The following C10orf90 variants were observed in gnomAD, a reference collection of about 807,000 sequenced individuals.
C10orf90 encodes (E2-independent) E3 ubiquitin-conjugating enzyme FATS.
C10orf90 carries 56 observed loss-of-function variants against 62.5 expected under a neutral mutation model. That is an observed-to-expected ratio of 0.90 (90% CI 0.72 to 1.12). The LOEUF is 1.12. C10orf90 is among the 50% of genes most tolerant of loss of function. C10orf90 has a pLI of 0.00. For missense variants in C10orf90, 970 were observed against 880.4 expected, an observed-to-expected ratio of 1.10 and a Z score of -1.29; for synonymous variants, 386 against 340.4, an observed-to-expected ratio of 1.13 and a Z score of -1.47.
chr10:126,439,351 G>C (rs1267583867), intron 7 of C10orf90, among the ~76,000 whole-genome samples: 1 of 152,194 alleles, frequency 6.6e-6, no homozygotes, highest in Non-Finnish European at 1.5e-5. Context: ...AAAGCTGGAA[G>C]AGGTGACTGC....
chr10:126,650,871 C>T (rs938297394), intron 1 of C10orf90, among the ~76,000 whole-genome samples: 1 of 152,168 alleles, frequency 6.6e-6, no homozygotes, highest in Non-Finnish European at 1.5e-5. Flanking sequence ...TGACCCTGGT[C>T]CAGCCTTCCT....
intron 8 of C10orf90, among the ~76,000 whole-genome samples, chr10:126,427,052 G>A (rs1000983033): frequency 7.9e-5 from 12 of 152,188 alleles, no homozygotes; most frequent in Admixed American, 2.0e-4. Flanking sequence ...CCTAGGCTGG[G>A]ATTCAAACCT....
chr10:126,625,437 T>C (rs1034477497), intron 2 of C10orf90, among the ~76,000 whole-genome samples: 2 of 152,302 alleles, frequency 1.3e-5, no homozygotes, highest in Non-Finnish European at 2.9e-5. Context: ...TTATAAAATA[T>C]AGCAGGTGTT....
At chr10:126,610,467 A>T (rs2133801079) in intron 2 of C10orf90, among the ~76,000 whole-genome samples, 1 of 152,282 alleles carries the variant, frequency 6.6e-6, no homozygotes, top group South Asian at 2.1e-4. Context: ...ACCTAATTGG[A>T]GTGTGTTCTC....
intron 1 of C10orf90, among the ~76,000 whole-genome samples, chr10:126,663,528 A>G (rs1591184250): frequency 6.6e-6 from 1 of 152,156 alleles, no homozygotes; most frequent in African/African-American, 2.4e-5. Flanking sequence ...CAATGAGGCA[A>G]TTCAGGAAAT....
chr10:126,543,448 G>A (rs1462150391), intron 2 of C10orf90, among the ~76,000 whole-genome samples: 1 of 152,204 alleles, frequency 6.6e-6, no homozygotes, highest in Admixed American at 6.5e-5. Flanking sequence ...GGCACTCAAG[G>A]GGTTGACATT....
At position 126,453,770 on chromosome 10, in the gene C10orf90, G is replaced by A. The variant is rs1459582737; in HGVS notation, c.2188+5270C>T. 1.3e-5 allele frequency among the ~76,000 whole-genome samples: 2 copies of A among 152,198 alleles called. No individual in the cohort carries two copies. Among genetic ancestry groups the A allele is most frequent in the African/African-American group, 4.8e-5 (2 of 41,458 alleles). On this transcript the variant is annotated intron_variant, in intron 7 of 9. Coordinates refer to ENST00000488181, the MANE Select transcript of C10orf90 (RefSeq NM_001350921.2). This position sits in a 1 kb window ranked among gnomAD's most constrained non-coding sequence, Gnocchi z 4.9. ...CACAGGAAAGGGTCTGGGGGTAAGAGATGAATAAAAAGGCTGGACTTGAGA... is the reference window on the plus strand; with the variant it reads ...CACAGGAAAGGGTCTGGGGGTAAGAAATGAATAAAAAGGCTGGACTTGAGA...
At chr10:126,601,559 T>C (rs1190556212) in intron 2 of C10orf90, among the ~76,000 whole-genome samples, 1 of 152,222 alleles carries the variant, frequency 6.6e-6, no homozygotes, top group African/African-American at 2.4e-5. Context: ...AAACAAGCCA[T>C]ATTTCTAGTT....
chr10:126,593,059 G>A (rs777422359), intron 2 of C10orf90, among the ~76,000 whole-genome samples: 24 of 152,158 alleles, frequency 1.6e-4, no homozygotes, highest in Non-Finnish European at 3.4e-4. Context: ...AGGTTGCAGA[G>A]AAAAAGGAAC....
At chr10:126,447,423 C>T (rs1335623776) in intron 7 of C10orf90, among the ~76,000 whole-genome samples, 1 of 152,036 alleles carries the variant, frequency 6.6e-6, no homozygotes, top group Non-Finnish European at 1.5e-5. Flanking sequence ...AAGTCCAAAA[C>T]TGTAAAAAGA....
chr10:126,613,257 C>A (rs1306734780), intron 2 of C10orf90, among the ~76,000 whole-genome samples: 1 of 152,036 alleles, frequency 6.6e-6, no homozygotes, highest in Non-Finnish European at 1.5e-5. Flanking sequence ...ACAGGGTCTC[C>A]TCTGTCTCCT....
At chr10:126,431,407 G>T (rs1461527385) in intron 7 of C10orf90, among the ~76,000 whole-genome samples, 1 of 152,176 alleles carries the variant, frequency 6.6e-6, no homozygotes, top group Non-Finnish European at 1.5e-5. Context: ...TCACCATGGA[G>T]ACTGCAATGG....
chr10:126,663,972 A>T (rs1038917229), intron 1 of C10orf90, among the ~76,000 whole-genome samples: 15 of 152,310 alleles, frequency 9.8e-5, no homozygotes, highest in South Asian at 6.2e-4. Context: ...AAAATGCCTC[A>T]TTAATGCTTT....
rs1387919444 is a variant in C10orf90 at position 126,649,018 on chromosome 10, CTCTCTCTCTGTCTCTG to C, written c.241-2397_241-2382del. The stretch of plus-strand genomic sequence containing the variant: ...GGTTTGGATCACAGATGATATCTCT[CTCTCTCTCTGTCTCTG>C]TCTCTCTCTCTCTCTCTCTCTCTCT... On this transcript the variant is annotated intron_variant, in intron 1 of 9. Coordinates refer to ENST00000488181, the MANE Select transcript of C10orf90 (RefSeq NM_001350921.2). Among the ~76,000 whole-genome samples, 592 of 83,360 alleles carry C rather than the reference CTCTCTCTCTGTCTCTG, an allele frequency of 7.1e-3. 16 individuals carry two copies. Among genetic ancestry groups the C allele is most frequent in the South Asian group, 0.02 (42 of 2,100 alleles). The allele number at this position is 83,360 out of a possible 152,430, so 54.7% of individuals were successfully genotyped here. A position where few individuals can be genotyped will look rare whatever the true frequency, so the allele number is the denominator to read the frequency against.
chr10:126,445,638 G>A lies in C10orf90; in HGVS notation c.2188+13402C>T, dbSNP rs975192748. ...TTAAAGATCTGAAAGTAGAACTATC[G>A]TTTGATTCAGCAATACCACCACTGG... is the stretch of plus-strand genomic sequence containing the variant. On this transcript the variant is annotated intron_variant, in intron 7 of 9. Coordinates refer to ENST00000488181, the MANE Select transcript of C10orf90 (RefSeq NM_001350921.2). 3.3e-5 allele frequency among the ~76,000 whole-genome samples: 5 copies of A among 152,056 alleles called. No individual in the cohort carries two copies. In the East Asian group the frequency reaches 5.8e-4, roughly 18 times the overall value.
At chr10:126,530,977 C>A (rs936373896) in intron 2 of C10orf90, among the ~76,000 whole-genome samples, 19 of 152,006 alleles carry the variant, frequency 1.2e-4, no homozygotes, top group Non-Finnish European at 2.1e-4. Flanking sequence ...AGTTCAAGAC[C>A]AGCCTGGCCA....
rs1863422225 is a variant in C10orf90, at chr10:126,516,064, A to G, written c.314-2125T>C. ...ACCTGCTCTGGTCATGTGGCATCGC[A>G]TGTGGTTAAGAACTTTGGAGTCAAC... On this transcript the variant is annotated intron_variant, in intron 2 of 9. Transcript: ENST00000488181. Among the ~76,000 whole-genome samples, 3 of 152,244 alleles carry G rather than the reference A, an allele frequency of 2.0e-5. No homozygotes were observed. The South Asian group carries it at 6.2e-4, about 31-fold the overall frequency.
chr10:126,535,698 A>G (rs191181235), intron 2 of C10orf90, among the ~76,000 whole-genome samples: 203 of 152,276 alleles, frequency 1.3e-3, no homozygotes, highest in African/African-American at 4.5e-3. Context: ...GTGGAGAAAA[A>G]TGGCCGTTTC....
chr10:126,544,698 T>G (rs559759299), intron 2 of C10orf90, among the ~76,000 whole-genome samples: 2 of 152,312 alleles, frequency 1.3e-5, no homozygotes, highest in African/African-American at 4.8e-5. Context: ...CAGGCAATGC[T>G]GCAGAATTGA....
Sources: gnomAD v4.1 joint callset for allele counts (sites outside exome capture counted in the v4.1 genomes callset) on GRCh38, gnomAD v4.1.1 for gene constraint, Gnocchi (gnomAD v3.1) non-coding constraint, MANE v1.5 for transcripts, NCBI Gene and HGNC (gene_info 2026-07-23, HGNC 2026-07-21) for gene names.